TRNAU1AP: variants seen among roughly 807,000 people sequenced by gnomAD.
TRNAU1AP encodes tRNA selenocysteine 1-associated protein 1.
TRNAU1AP carries 33 observed loss-of-function variants against 43.3 expected under a neutral mutation model. That is an observed-to-expected ratio of 0.76 (90% CI 0.58 to 1.02). The LOEUF (loss-of-function observed/expected upper bound fraction) is 1.02. Among genes scored for constraint, TRNAU1AP ranks in the 50% least tolerant of loss-of-function variants. The pLI is 0.00. For missense variants in TRNAU1AP, 290 were observed against 362.7 expected, an observed-to-expected ratio of 0.80 and a Z score of 1.63; for synonymous variants, 143 against 129.1, an observed-to-expected ratio of 1.11 and a Z score of -0.73.
chr1:28,558,391 ATTTT>A (rs1008016402), intron 2 of TRNAU1AP, among the ~76,000 whole-genome samples: 2 of 134,238 alleles, frequency 1.5e-5, no homozygotes, highest in East Asian at 2.2e-4. Flanking sequence ...ATTTTCGTAT[ATTTT>A]TTTTTTGTTT....
At chr1:28,575,671 G>C (rs1432179134) in intron 8 of TRNAU1AP, among the ~76,000 whole-genome samples, 2 of 148,914 alleles carry the variant, frequency 1.3e-5, no homozygotes, top group Non-Finnish European at 3.0e-5. Context: ...TTGCTCTGTC[G>C]CCCAGGCTGG....
At chr1:28,564,164 G>C (rs1360127271) in intron 4 of TRNAU1AP, among the ~76,000 whole-genome samples, 1 of 152,070 alleles carries the variant, frequency 6.6e-6, no homozygotes, top group Non-Finnish European at 1.5e-5. Flanking sequence ...TGGTCGGCAG[G>C]CTAAGGTGTG....
chr1:28,567,239 C>A (rs941750587), intron 5 of TRNAU1AP, 55 bp from the exon 6 acceptor site: 2 of 1,586,610 alleles, frequency 1.3e-6, no homozygotes, highest in Admixed American at 1.8e-5. Context: ...TTCATGTGTC[C>A]ATTCTTAGAC....
chr1:28,560,279 C>CTT (rs61583725), intron 2 of TRNAU1AP, among the ~76,000 whole-genome samples: 12,331 of 137,694 alleles, frequency 0.09, 1,199 homozygotes, highest in African/African-American at 0.24. Context: ...CATCTTGAGC[C>CTT]TTTTTTTTTT....
At chr1:28,555,599 G>A (rs1301910855) in intron 2 of TRNAU1AP, among the ~76,000 whole-genome samples, 2 of 150,100 alleles carry the variant, frequency 1.3e-5, no homozygotes, top group Admixed American at 6.7e-5. Context: ...CTGGGTTCAC[G>A]CCATTCTCCA....
intron 2 of TRNAU1AP, among the ~76,000 whole-genome samples, chr1:28,556,299 T>TA (rs1184084104): frequency 3.3e-5 from 5 of 151,716 alleles, no homozygotes; most frequent in East Asian, 2.0e-4. Flanking sequence ...TTGTCTCTAC[T>TA]AAAAAAATAC....
At chr1:28,555,486 T>A (rs1054569723) in intron 2 of TRNAU1AP, among the ~76,000 whole-genome samples, 1 of 151,892 alleles carries the variant, frequency 6.6e-6, no homozygotes, top group Non-Finnish European at 1.5e-5. Flanking sequence ...ATCAAGCAGC[T>A]ACTCTTTTCC....
intron 8 of TRNAU1AP, chr1:28,574,496 G>A (rs1665731728): frequency 6.6e-6 from 1 of 152,192 alleles, no homozygotes; most frequent in Non-Finnish European, 1.5e-5. Flanking sequence ...TGAGGCAGGA[G>A]GATTGCTTGG....
chr1:28,567,501 T>C (rs1366268257), intron 6 of TRNAU1AP, 88 bp downstream of exon 6: 12 of 1,433,468 alleles, frequency 8.4e-6, no homozygotes, highest in Admixed American at 2.6e-5. Context: ...ATCCATACGC[T>C]GGATGGGAGG....
chr1:28,562,459 TC>T (rs1665432523), intron 4 of TRNAU1AP, among the ~76,000 whole-genome samples: 1 of 152,116 alleles, frequency 6.6e-6, no homozygotes, highest in Non-Finnish European at 1.5e-5. Flanking sequence ...ATACGATGGA[TC>T]GTATTTATGA....
At chr1:28,561,429 A>G (rs1665401651) in intron 4 of TRNAU1AP, 31 bp downstream of exon 4, 3 of 1,613,004 alleles carry the variant, frequency 1.9e-6, no homozygotes, top group East Asian at 2.2e-5. Flanking sequence ...AGACAGACAT[A>G]AGATGTGTCA....
chr1:28,569,171 T>C (rs1490754333), intron 6 of TRNAU1AP, among the ~76,000 whole-genome samples: 2 of 152,200 alleles, frequency 1.3e-5, no homozygotes, highest in African/African-American at 4.8e-5. Flanking sequence ...CTGTGTTTAA[T>C]ACATTGAAGA....
intron 4 of TRNAU1AP, 65 bp downstream of exon 4, chr1:28,561,463 G>C: frequency 6.3e-7 from 1 of 1,595,364 alleles, no homozygotes; most frequent in South Asian, 1.1e-5. Context: ...TGCCATATAG[G>C]AGGAGGGGAG....
intron 6 of TRNAU1AP, among the ~76,000 whole-genome samples, chr1:28,568,540 G>A (rs576433233): frequency 6.6e-6 from 1 of 152,310 alleles, no homozygotes; most frequent in East Asian, 1.9e-4. Context: ...CTACAAAAGT[G>A]TTGGGATTAC....
intron 4 of TRNAU1AP, among the ~76,000 whole-genome samples, chr1:28,563,820 C>G (rs1371881655): frequency 6.6e-6 from 1 of 152,064 alleles, no homozygotes; most frequent in Non-Finnish European, 1.5e-5. Flanking sequence ...CCACTGCACT[C>G]CAGCCTAGGT....
At chr1:28,553,283 TC>T in intron 1 of TRNAU1AP, 146 bp downstream of exon 1, 1 of 997,806 alleles carries the variant, frequency 1.0e-6, no homozygotes, top group African/African-American at 1.7e-5. Flanking sequence ...AGAAGCGGGT[TC>T]CAGCATCTAA....
Position 28,553,100 on chromosome 1 carries a change from G to C in TRNAU1AP, c.-11G>C. On this transcript the variant is annotated 5_prime_UTR_variant, in exon 1 of 9. Coordinates refer to ENST00000373830, the MANE Select transcript of TRNAU1AP (RefSeq NM_017846.5). Reference sequence around the variant, plus strand: ...AGCCCCGCCCGCAAAGCCCCACCCCGGTGCGCGGGTATGGCGGCCAGCCTG... The same window carrying C: ...AGCCCCGCCCGCAAAGCCCCACCCCCGTGCGCGGGTATGGCGGCCAGCCTG... 1 of 1,523,148 alleles carries C rather than the reference G, an allele frequency of 6.6e-7. No individual in the cohort carries two copies. Among genetic ancestry groups the C allele is most frequent in the South Asian group, 1.2e-5 (1 of 81,976 alleles). 94.4% of individuals were successfully genotyped at this position (1,523,148 alleles called of 1,614,324 possible). A position where few individuals can be genotyped will look rare whatever the true frequency, so the allele number is the denominator to read the frequency against.
intron 4 of TRNAU1AP, among the ~76,000 whole-genome samples, chr1:28,563,247 AATAAG>A (rs372671614): frequency 2.0e-5 from 3 of 151,914 alleles, no homozygotes; most frequent in East Asian, 2.0e-4. Flanking sequence ...TCATACCTGA[AATAAG>A]ATAATAACAA....
At chr1:28,573,953 A>T (rs954536110) in intron 8 of TRNAU1AP, among the ~76,000 whole-genome samples, 3 of 151,468 alleles carry the variant, frequency 2.0e-5, no homozygotes, top group African/African-American at 7.3e-5. Flanking sequence ...AAAAAACAAC[A>T]GTATTTACTG....
Sources: gnomAD v4.1 joint callset for allele counts (sites outside exome capture counted in the v4.1 genomes callset) on GRCh38, gnomAD v4.1.1 for gene constraint, MANE v1.5 for transcripts, NCBI Gene and HGNC (gene_info 2026-07-23, HGNC 2026-07-21) for gene names.